MMD: variants seen among roughly 807,000 people sequenced by gnomAD.
The protein encoded by MMD is monocyte to macrophage differentiation factor.
MMD carries 22 observed loss-of-function variants against 33.6 expected under a neutral mutation model. That is an observed-to-expected ratio of 0.66 (90% CI 0.47 to 0.94). The LOEUF (loss-of-function observed/expected upper bound fraction) is 0.94. Among genes scored for constraint, MMD ranks in the 40% least tolerant of loss-of-function variants. The pLI is 0.00. For synonymous variants in MMD, 97 were observed against 103.2 expected, an observed-to-expected ratio of 0.94 and a Z score of 0.36; for missense variants, 242 against 309.8, an observed-to-expected ratio of 0.78 and a Z score of 1.64.
At chr17:55,414,702 A>T (rs1907904908) in intron 1 of MMD, among the ~76,000 whole-genome samples, 4 of 152,140 alleles carry the variant, frequency 2.6e-5, no homozygotes, top group Admixed American at 2.6e-4. Context: ...TTCTCTCTTA[A>T]AATTTATAAA....
chr17:55,407,595 A>G (rs1246675066), intron 4 of MMD, 151 bp downstream of exon 4: 2 of 624,422 alleles, frequency 3.2e-6, no homozygotes, highest in Non-Finnish European at 5.4e-6. Context: ...TCAAATGGGG[A>G]AAAAAATGCA....
intron 4 of MMD, 69 bp from the exon 5 acceptor site, chr17:55,403,937 T>C (rs1295138082): frequency 1.1e-5 from 13 of 1,229,036 alleles, no homozygotes; most frequent in African/African-American, 1.5e-5. Flanking sequence ...ACCTGTGTCA[T>C]TGAAAACTGA....
intron 1 of MMD, among the ~76,000 whole-genome samples, chr17:55,415,464 T>C (rs1567851817): frequency 6.6e-6 from 1 of 152,170 alleles, no homozygotes; most frequent in Non-Finnish European, 1.5e-5. Flanking sequence ...AACTACTCAT[T>C]ACCTTATTCA....
At chr17:55,399,419 A>C in intron 6 of MMD, among the ~76,000 whole-genome samples, 1 of 152,182 alleles carries the variant, frequency 6.6e-6, no homozygotes, top group South Asian at 2.1e-4. Context: ...CTAGCTCTCC[A>C]GCTTTATTAC....
intron 6 of MMD, among the ~76,000 whole-genome samples, chr17:55,397,350 C>T (rs1476024303): frequency 2.6e-5 from 4 of 151,116 alleles, no homozygotes; most frequent in Non-Finnish European, 4.4e-5. Flanking sequence ...TTAGTAGAGA[C>T]GGGTTTTGCC....
intron 1 of MMD, among the ~76,000 whole-genome samples, chr17:55,416,920 TA>T (rs1289385839): frequency 6.6e-6 from 1 of 152,166 alleles, no homozygotes; most frequent in Admixed American, 6.5e-5. Flanking sequence ...AGAGTTTTTT[TA>T]CTCATTCCTT....
chr17:55,401,879 C>G (rs2143127903), intron 5 of MMD, among the ~76,000 whole-genome samples: 1 of 152,162 alleles, frequency 6.6e-6, no homozygotes, highest in East Asian at 1.9e-4. Flanking sequence ...CGAGACCATC[C>G]TGATTAACAC....
intron 4 of MMD, 83 bp from the exon 5 acceptor site, chr17:55,403,951 A>T: frequency 9.1e-7 from 1 of 1,104,698 alleles, no homozygotes; most frequent in Non-Finnish European, 1.3e-6. Flanking sequence ...AAACTGAGAA[A>T]GTCTTAGGAT....
intron 5 of MMD, among the ~76,000 whole-genome samples, chr17:55,403,511 T>C (rs1429919741): frequency 6.6e-6 from 1 of 152,240 alleles, no homozygotes; most frequent in Non-Finnish European, 1.5e-5. Context: ...AAATGAAGTC[T>C]GATGGACTCC....
At chr17:55,421,431 A>T (rs973305197) in intron 1 of MMD, among the ~76,000 whole-genome samples, 1 of 152,180 alleles carries the variant, frequency 6.6e-6, no homozygotes, top group African/African-American at 2.4e-5. Flanking sequence ...CCGGGAATCC[A>T]TCTGAGGTCC....
At chr17:55,399,980 G>A (rs187060130) in intron 6 of MMD, among the ~76,000 whole-genome samples, 1 of 152,112 alleles carries the variant, frequency 6.6e-6, no homozygotes, top group Admixed American at 6.5e-5. Flanking sequence ...ATTGCTTGGG[G>A]TGTCCTGAAA....
chr17:55,405,538 C>T (rs1907511076), intron 4 of MMD, among the ~76,000 whole-genome samples: 1 of 152,128 alleles, frequency 6.6e-6, no homozygotes, highest in African/African-American at 2.4e-5. Flanking sequence ...CCTCAGCTCA[C>T]ATTTAAATTA....
rs767177558 is a variant in MMD, at chr17:55,394,384, T to C, written c.667A>G (p.Ile223Val). 1.4e-6 allele frequency: 2 copies of C among 1,436,584 alleles called. No homozygotes were observed. Among genetic ancestry groups the C allele is most frequent in the Non-Finnish European group, 1.8e-6 (2 of 1,093,148 alleles). 89.0% of individuals were successfully genotyped at this position (1,436,584 alleles called of 1,614,324 possible). A position where few individuals can be genotyped will look rare whatever the true frequency, so the allele number is the denominator to read the frequency against. Residue 223 changes from isoleucine to valine, a missense_variant, in exon 7 of 7, where the codon ATT becomes GTT. Physicochemically the swap from Ile to Val is conservative, Grantham distance 29. Transcript: ENST00000262065. ...ATAAAVHYYA[I>V]WKYLYRSPTD... ...GGACTTCGGTAAAGGTATTTCCAAA[T>C]GGCGTAGTAATGCACTGCAGCTGCC... is the stretch of plus-strand genomic sequence containing the variant.
intron 2 of MMD, among the ~76,000 whole-genome samples, chr17:55,413,208 G>A (rs1051744271): frequency 2.6e-5 from 4 of 152,162 alleles, no homozygotes; most frequent in Admixed American, 2.6e-4. Context: ...TGTACCAACA[G>A]TGACTACCAC....
chr17:55,399,022 G>A (rs961213789), intron 6 of MMD, among the ~76,000 whole-genome samples: 8 of 152,162 alleles, frequency 5.3e-5, no homozygotes, highest in African/African-American at 1.7e-4. Context: ...CTCCCTGAGC[G>A]GCTTCCTCCT....
chr17:55,401,684 A>G (rs1254469631), intron 5 of MMD, 146 bp from the exon 6 acceptor site: 7 of 605,352 alleles, frequency 1.2e-5, no homozygotes, highest in Non-Finnish European at 2.0e-5. Flanking sequence ...GTAGGCAACC[A>G]CTAGGCCTCT....
At chr17:55,403,390 A>T (rs921572410) in intron 5 of MMD, among the ~76,000 whole-genome samples, 2 of 152,142 alleles carry the variant, frequency 1.3e-5, no homozygotes, top group Non-Finnish European at 2.9e-5. Flanking sequence ...TATTGTACTG[A>T]GCACTTAATA....
At chr17:55,404,224 A>T (rs762250643) in intron 4 of MMD, among the ~76,000 whole-genome samples, 18 of 152,026 alleles carry the variant, frequency 1.2e-4, no homozygotes, top group Non-Finnish European at 2.4e-4. Flanking sequence ...GTGTGGTGGC[A>T]TGTGCCTGTA....
At chr17:55,397,164 T>C (rs1273393030) in intron 6 of MMD, among the ~76,000 whole-genome samples, 1 of 152,106 alleles carries the variant, frequency 6.6e-6, no homozygotes, top group Non-Finnish European at 1.5e-5. Context: ...TCCTGGTTTA[T>C]TTATTTATTT....
Sources: allele counts gnomAD v4.1 joint callset (sites outside exome capture counted in the v4.1 genomes callset), GRCh38; gene constraint gnomAD v4.1.1; transcripts MANE v1.5; gene names NCBI Gene and HGNC (gene_info 2026-07-23, HGNC 2026-07-21).